Variants in BCKDHB observed in about 807,000 individuals in gnomAD.
BCKDHB encodes branched chain keto acid dehydrogenase E1 subunit beta, also known as 2-oxoisovalerate dehydrogenase subunit beta, mitochondrial.
BCKDHB carries 41 observed loss-of-function variants against 48.5 expected under a neutral mutation model. That is an observed-to-expected ratio of 0.85 (90% CI 0.66 to 1.10). The LOEUF is 1.10. Among genes scored for constraint, BCKDHB ranks in the 50% least tolerant of loss-of-function variants. The pLI, the probability that BCKDHB is intolerant of heterozygous loss-of-function variation, is 0.00. For missense variants in BCKDHB, 496 were observed against 494.2 expected, an observed-to-expected ratio of 1.00 and a Z score of -0.03; for synonymous variants, 201 against 174.8, an observed-to-expected ratio of 1.15 and a Z score of -1.18.
chr6:80,313,541 A>G (rs761459959), intron 9 of BCKDHB, among the ~76,000 whole-genome samples: 1 of 152,032 alleles, frequency 6.6e-6, no homozygotes, highest in Non-Finnish European at 1.5e-5. Context: ...TTGTATTTTT[A>G]GTAGAGACGT....
chr6:80,202,686 T>C (rs1221995666), intron 7 of BCKDHB, among the ~76,000 whole-genome samples: 2 of 151,866 alleles, frequency 1.3e-5, no homozygotes, highest in African/African-American at 4.8e-5. Flanking sequence ...TATCTCCTTT[T>C]TTTCTTTCCT....
the BCKDHB span, among the ~76,000 whole-genome samples, chr6:80,394,290 A>T: frequency 6.6e-6 from 1 of 152,016 alleles, no homozygotes; most frequent in Non-Finnish European, 1.5e-5. Flanking sequence ...TTTCTCTTTC[A>T]TCATTTTGAC....
intron 9 of BCKDHB, among the ~76,000 whole-genome samples, chr6:80,332,173 C>T (rs1769345683): frequency 2.6e-5 from 4 of 152,080 alleles, no homozygotes; most frequent in South Asian, 4.1e-4. Flanking sequence ...ACTAGCTTTA[C>T]ACCTCTCATG....
chr6:80,150,761 T>C lies in BCKDHB; in HGVS notation c.344-16917T>C, dbSNP rs557324806. Among the ~76,000 whole-genome samples the C allele has an allele frequency of 1.9e-3, 289 of 152,168 alleles. 2 individuals carry two copies. The highest frequency in any genetic ancestry group is 6.9e-3 in the African/African-American group (285 of 41,522). ...TAGTAGAGATGGAGTTTCACCATGT[T>C]GGCCACACTGGTCTTTTTCTCCTGA... On this transcript the variant is annotated intron_variant, in intron 3 of 9. Coordinates refer to ENST00000320393, the MANE Select transcript of BCKDHB (RefSeq NM_183050.4).
intron 8 of BCKDHB, among the ~76,000 whole-genome samples, chr6:80,246,283 G>A (rs1047977720): frequency 1.3e-5 from 2 of 152,144 alleles, no homozygotes; most frequent in Non-Finnish European, 2.9e-5. Context: ...GAGAAGGAAG[G>A]TGTCCATCCA....
chr6:80,127,604 T>C lies in BCKDHB; in HGVS notation c.254T>C (p.Leu85Ser), dbSNP rs752514603. The C allele has an allele frequency of 6.2e-7, 1 of 1,613,308 alleles. No homozygotes were observed. Among genetic ancestry groups the C allele is most frequent in the Non-Finnish European group, 8.5e-7 (1 of 1,179,358 alleles). Residue 85 changes from leucine (L) to serine (S), a missense_variant, in exon 2 of 10, where the codon TTG becomes TCG. Transcript: ENST00000320393. ...QSVTSALDNS[L>S]AKDPTAVIFG... The stretch of plus-strand genomic sequence containing the variant: ...GTAACAAGTGCCTTGGATAACTCAT[T>C]GGCCAAAGATCCTACTGCAGGTAAC...
the BCKDHB span, among the ~76,000 whole-genome samples, chr6:80,397,428 A>G: frequency 1.3e-5 from 2 of 152,116 alleles, no homozygotes; most frequent in Non-Finnish European, 2.9e-5. Context: ...TGTTTTTCAA[A>G]TCCTTCAAAT....
intron 3 of BCKDHB, among the ~76,000 whole-genome samples, chr6:80,133,184 A>T (rs1237678656): frequency 6.6e-6 from 1 of 152,226 alleles, no homozygotes; most frequent in Non-Finnish European, 1.5e-5. Context: ...TTGTGCCAGC[A>T]CTTGAACTGC....
chr6:80,222,854 G>C (rs951014639), intron 8 of BCKDHB, among the ~76,000 whole-genome samples: 4 of 152,184 alleles, frequency 2.6e-5, no homozygotes, highest in African/African-American at 7.2e-5. Flanking sequence ...TAGTCTATAA[G>C]AGTGGCTACT....
chr6:80,343,556 C>A, intron 9 of BCKDHB, 108 bp from the exon 10 acceptor site: 3 of 1,207,934 alleles, frequency 2.5e-6, no homozygotes, highest in Non-Finnish European at 2.4e-6. Flanking sequence ...TTTTTAATGT[C>A]CTTAGATGCA....
chr6:80,322,237 TC>T (rs367945880), intron 9 of BCKDHB, among the ~76,000 whole-genome samples: 4 of 80,642 alleles, frequency 5.0e-5, no homozygotes, highest in Admixed American at 2.1e-4. Flanking sequence ...TTCTTTCTTT[TC>T]TTTTTTTTTT....
the BCKDHB span, among the ~76,000 whole-genome samples, chr6:80,400,424 A>C: frequency 1.7e-3 from 254 of 152,234 alleles, no homozygotes; most frequent in Non-Finnish European, 1.8e-3. Flanking sequence ...ATGAACAGAC[A>C]CTTTTTAAGA....
At chr6:80,456,579 C>A in the BCKDHB span, among the ~76,000 whole-genome samples, 1 of 152,186 alleles carries the variant, frequency 6.6e-6, no homozygotes, top group Admixed American at 6.5e-5. Flanking sequence ...CTTCAAGATT[C>A]AAAGTAAAGC....
chr6:80,169,927 C>T, intron 5 of BCKDHB: 1 of 1,516,414 alleles, frequency 6.6e-7, no homozygotes, highest in South Asian at 1.4e-5. Flanking sequence ...TGTGCTTGAG[C>T]TAAACATTAA....
chr6:80,235,400 G>A (rs1187871106), intron 8 of BCKDHB, among the ~76,000 whole-genome samples: 1 of 152,184 alleles, frequency 6.6e-6, no homozygotes, highest in Non-Finnish European at 1.5e-5. Context: ...GATAGTTGCT[G>A]TTAATCATTT....
At chr6:80,166,529 G>A (rs1054703747) in intron 3 of BCKDHB, among the ~76,000 whole-genome samples, 10 of 151,710 alleles carry the variant, frequency 6.6e-5, no homozygotes, top group Admixed American at 3.3e-4. Context: ...AGTGGTGGGC[G>A]CCTATAATCC....
intron 1 of BCKDHB, among the ~76,000 whole-genome samples, chr6:80,109,749 C>T (rs1378343145): frequency 1.3e-5 from 2 of 152,144 alleles, no homozygotes; most frequent in African/African-American, 4.8e-5. Context: ...ATACTATCTA[C>T]GATTATTGCA....
At chr6:80,274,946 A>G (rs1777908231) in intron 9 of BCKDHB, among the ~76,000 whole-genome samples, 1 of 152,060 alleles carries the variant, frequency 6.6e-6, no homozygotes, top group Non-Finnish European at 1.5e-5. Context: ...AGAATTAAAC[A>G]TAGTCACTAT....
intron 8 of BCKDHB, among the ~76,000 whole-genome samples, chr6:80,204,221 G>T (rs76627505): frequency 0.019 from 2,934 of 152,102 alleles, 92 homozygotes; most frequent in African/African-American, 0.067. Context: ...TATAGCCTAG[G>T]ATGTTTTTAG....
Sources: gnomAD v4.1 joint callset for allele counts (sites outside exome capture counted in the v4.1 genomes callset) on GRCh38, gnomAD v4.1.1 for gene constraint, MANE v1.5 for transcripts, NCBI Gene and HGNC (gene_info 2026-07-23, HGNC 2026-07-21) for gene names.